PLCG2: variants seen among roughly 807,000 people sequenced by gnomAD.
The protein encoded by PLCG2 is phospholipase C gamma 2.
A neutral mutation model predicts 175.6 loss-of-function variants in PLCG2; 69 were observed. The ratio of observed to expected loss-of-function variants is 0.39; its 90% confidence interval spans 0.32 to 0.48. The LOEUF (loss-of-function observed/expected upper bound fraction) is 0.48. PLCG2 is among the 20% of genes least tolerant of loss of function. The pLI, the probability that PLCG2 is intolerant of heterozygous loss-of-function variation, is 0.91. For missense variants in PLCG2, 1,798 were observed against 1,650.9 expected (o/e 1.09, Z -1.54); for synonymous variants, 827 against 624.0 (o/e 1.33, Z -4.85).
At chr16:81,904,182 A>G (rs926102291) in intron 14 of PLCG2, among the ~76,000 whole-genome samples, 9 of 152,182 alleles carry the variant, frequency 5.9e-5, no homozygotes, top group Non-Finnish European at 1.2e-4. Context: ...CACAAGGGAC[A>G]CTGAGGTCCT....
intron 2 of PLCG2, among the ~76,000 whole-genome samples, chr16:81,791,881 A>T (rs1911247764): frequency 6.6e-6 from 1 of 152,186 alleles, no homozygotes; most frequent in African/African-American, 2.4e-5. Flanking sequence ...GGGACTGTTG[A>T]CCAAACATCT....
In PLCG2 at chr16:81,791,933, T is replaced by C. The variant is rs566630263; in HGVS notation, c.193+5751T>C. On this transcript the variant is annotated intron_variant, in intron 2 of 32. Transcript: ENST00000564138. Reference sequence around the variant, plus strand: ...AGGCAGAAGAGTCCCAGGCAGAAGCTACAGGCTTCTTACGACAGCCTCATA... The same window carrying C: ...AGGCAGAAGAGTCCCAGGCAGAAGCCACAGGCTTCTTACGACAGCCTCATA... 6.6e-5 allele frequency among the ~76,000 whole-genome samples: 10 copies of C among 152,280 alleles called. No homozygotes were observed. The South Asian group carries it at 2.1e-3, about 32-fold the overall frequency.
At chr16:81,821,508 C>T (rs558008177) in intron 2 of PLCG2, among the ~76,000 whole-genome samples, 31 of 152,208 alleles carry the variant, frequency 2.0e-4, no homozygotes, top group African/African-American at 6.3e-4. Context: ...GACAGGCAGC[C>T]GTTGCCTCTT....
chr16:81,806,921 G>T (rs1296971713), intron 2 of PLCG2, among the ~76,000 whole-genome samples: 2 of 152,018 alleles, frequency 1.3e-5, no homozygotes, highest in African/African-American at 4.8e-5. Context: ...CATGACCCAG[G>T]GCTGTGGAGG....
At chr16:81,943,693 T>C (rs917118845) in intron 30 of PLCG2, among the ~76,000 whole-genome samples, 1 of 152,208 alleles carries the variant, frequency 6.6e-6, no homozygotes, top group South Asian at 2.1e-4. Context: ...TGCATTAATG[T>C]TGGCATATCA....
chr16:81,910,273 TAG>T (rs1418528839), intron 17 of PLCG2, among the ~76,000 whole-genome samples: 1 of 152,156 alleles, frequency 6.6e-6, no homozygotes, highest in African/African-American at 2.4e-5. Flanking sequence ...GTATTTTTAG[TAG>T]AGACGAGATT....
At chr16:81,870,778 A>T (rs1907475522) in intron 6 of PLCG2, 74 bp from the exon 7 acceptor site, 2 of 751,482 alleles carry the variant, frequency 2.7e-6, no homozygotes, top group Non-Finnish European at 2.2e-6. Context: ...AACAAAAATT[A>T]TTCTATAAAT....
chr16:81,916,102 G>C (rs954974175), intron 19 of PLCG2, among the ~76,000 whole-genome samples: 3 of 152,048 alleles, frequency 2.0e-5, no homozygotes, highest in Admixed American at 6.6e-5. Context: ...ACATTCTGCA[G>C]CTTTTCTACT....
upstream of PLCG2, among the ~76,000 whole-genome samples, chr16:81,778,033 A>AAC (rs1555505440): frequency 0.053 from 1,695 of 31,922 alleles, 57 homozygotes; most frequent in South Asian, 0.12. Context: ...AAAAAAAAAC[A>AAC]AAAAAAAAAC....
chr16:81,902,284 G>C (rs1909184670), intron 14 of PLCG2, among the ~76,000 whole-genome samples: 1 of 152,154 alleles, frequency 6.6e-6, no homozygotes, highest in South Asian at 2.1e-4. Context: ...ATTTCAGTCT[G>C]TTCCTGCAGC....
At chr16:81,880,879 T>C (rs1300562957) in intron 7 of PLCG2, 31 bp from the exon 8 acceptor site, 1 of 1,612,124 alleles carries the variant, frequency 6.2e-7, no homozygotes, top group Non-Finnish European at 8.5e-7. Flanking sequence ...TTGTCTAAGG[T>C]TCTTTTTTTT....
intron 12 of PLCG2, chr16:81,895,564 A>AG: frequency 2.2e-6 from 1 of 451,320 alleles, no homozygotes; most frequent in Non-Finnish European, 4.0e-6. Flanking sequence ...TGTCTTAAAA[A>AG]AAAAAAAAAT....
At chr16:81,791,530 G>A (rs575590186) in intron 2 of PLCG2, among the ~76,000 whole-genome samples, 1 of 152,276 alleles carries the variant, frequency 6.6e-6, no homozygotes, top group Non-Finnish European at 1.5e-5. Flanking sequence ...TGATACCTTA[G>A]TGGTGATGGC....
intron 2 of PLCG2, among the ~76,000 whole-genome samples, chr16:81,840,264 C>G (rs375843170): frequency 1.3e-5 from 2 of 152,172 alleles, no homozygotes; most frequent in South Asian, 2.1e-4. Flanking sequence ...CCCACCCTGT[C>G]ATGGCCTGGG....
chr16:81,814,979 G>T (rs1298702758), intron 2 of PLCG2, among the ~76,000 whole-genome samples: 1 of 152,220 alleles, frequency 6.6e-6, no homozygotes. Context: ...GTGGCGATAA[G>T]AAGTTACTTT....
intron 7 of PLCG2, among the ~76,000 whole-genome samples, chr16:81,874,794 T>C (rs922685338): frequency 1.3e-5 from 2 of 152,112 alleles, no homozygotes; most frequent in African/African-American, 4.8e-5. Context: ...TTCCAAAAGT[T>C]TGGCAGCAGC....
chr16:81,932,689 C>T (rs1178200668), intron 25 of PLCG2, among the ~76,000 whole-genome samples: 1 of 152,218 alleles, frequency 6.6e-6, no homozygotes, highest in Non-Finnish European at 1.5e-5. Context: ...AACTCTTCTG[C>T]AGGGAAGTGT....
chr16:81,931,941 T>C (rs960346953), intron 25 of PLCG2, among the ~76,000 whole-genome samples: 1 of 152,198 alleles, frequency 6.6e-6, no homozygotes, highest in South Asian at 2.1e-4. Context: ...GCCCTACATA[T>C]CTTACCAAGG....
chr16:81,931,068 G>C (rs1238223561), intron 24 of PLCG2, among the ~76,000 whole-genome samples: 1 of 151,922 alleles, frequency 6.6e-6, no homozygotes, highest in African/African-American at 2.4e-5. Context: ...TGGACAAGAG[G>C]GTATTTTTTT....
Sources: allele counts gnomAD v4.1 joint callset (sites outside exome capture counted in the v4.1 genomes callset), GRCh38; gene constraint gnomAD v4.1.1; transcripts MANE v1.5; gene names NCBI Gene and HGNC (gene_info 2026-07-23, HGNC 2026-07-21).